NFIB: variants seen among roughly 807,000 people sequenced by gnomAD.
NFIB encodes nuclear factor 1 B-type.
A neutral mutation model predicts 61.5 loss-of-function variants in NFIB; 11 were observed. The ratio of observed to expected loss-of-function variants is 0.18; its 90% CI spans 0.11 to 0.30. The LOEUF is 0.30. Among genes scored for constraint, NFIB ranks in the 10% least tolerant of loss-of-function variants. The probability of loss-of-function intolerance (pLI) is 1.00; values close to 1 mark genes in which losing one functional copy is unlikely to be tolerated. For synonymous variants in NFIB, 260 were observed against 216.5 expected, an observed-to-expected ratio of 1.20 and a Z score of -1.76; for missense variants, 471 against 608.9, an observed-to-expected ratio of 0.77 and a Z score of 2.38.
At chr9:14,140,920 C>CAG (rs1485745937) in intron 6 of NFIB, among the ~76,000 whole-genome samples, 1 of 151,924 alleles carries the variant, frequency 6.6e-6, no homozygotes, top group Non-Finnish European at 1.5e-5. Context: ...GGGCAACAGA[C>CAG]AGAGAAAAAA....
the NFIB span, among the ~76,000 whole-genome samples, chr9:14,483,935 C>T: frequency 1.3e-5 from 2 of 152,162 alleles, no homozygotes; most frequent in Non-Finnish European, 2.9e-5. Context: ...GAAGCTACAA[C>T]TGATGAACTT....
At chr9:14,171,795 T>G (rs1399683350) in intron 3 of NFIB, among the ~76,000 whole-genome samples, 1 of 152,196 alleles carries the variant, frequency 6.6e-6, no homozygotes, top group Non-Finnish European at 1.5e-5. Flanking sequence ...TAGGGAAACA[T>G]GTCCGAAAAG....
chr9:14,469,754 A>G, the NFIB span, among the ~76,000 whole-genome samples: 2 of 152,280 alleles, frequency 1.3e-5, no homozygotes, highest in Middle Eastern at 3.4e-3. Context: ...CCTCTCCTAT[A>G]TACTTGTTAA....
chr9:14,414,411 C>G, the NFIB span, among the ~76,000 whole-genome samples: 124,158 of 142,804 alleles, frequency 0.87, 54,110 homozygotes, highest in African/African-American at 0.92. Flanking sequence ...CTCCAGCCTG[C>G]GGACAGAGTG....
intron 2 of NFIB, among the ~76,000 whole-genome samples, chr9:14,213,206 GTCA>G (rs2050494389): frequency 6.6e-6 from 1 of 152,210 alleles, no homozygotes; most frequent in East Asian, 1.9e-4. Context: ...ACTGGGCACA[GTCA>G]GGTAACTGGT....
intron 6 of NFIB, among the ~76,000 whole-genome samples, chr9:14,141,718 C>T (rs1403441892): frequency 6.6e-6 from 1 of 151,892 alleles, no homozygotes; most frequent in East Asian, 1.9e-4. Flanking sequence ...CATTTTACTG[C>T]ATAAAGTCTT....
At chr9:14,452,631 C>A in the NFIB span, among the ~76,000 whole-genome samples, 2 of 152,150 alleles carry the variant, frequency 1.3e-5, no homozygotes, top group Admixed American at 6.5e-5. Flanking sequence ...GAGAAAATCT[C>A]GACCCTGGGA....
chr9:14,274,989 T>C (rs1032941036), intron 2 of NFIB, among the ~76,000 whole-genome samples: 2 of 152,206 alleles, frequency 1.3e-5, no homozygotes, highest in Admixed American at 6.5e-5. Flanking sequence ...AGGTTTTGTT[T>C]TGAAGTTAAT....
chr9:14,304,832 G>A (rs929751913), intron 2 of NFIB, among the ~76,000 whole-genome samples: 8 of 152,112 alleles, frequency 5.3e-5, no homozygotes, highest in African/African-American at 1.9e-4. Flanking sequence ...ACTATAAAAT[G>A]ACATAATTAA....
intron 2 of NFIB, among the ~76,000 whole-genome samples, chr9:14,228,553 C>A: frequency 6.6e-6 from 1 of 152,190 alleles, no homozygotes; most frequent in East Asian, 1.9e-4. Flanking sequence ...AAAAGCCACA[C>A]TCCATTTTAG....
intron 4 of NFIB, among the ~76,000 whole-genome samples, chr9:14,153,853 G>A (rs777917471): frequency 1.2e-4 from 19 of 152,022 alleles, no homozygotes; most frequent in Admixed American, 7.2e-4. Flanking sequence ...ATTATGATGC[G>A]GATATATTAA....
chr9:14,344,515 A>C (rs2060996231), intron 1 of NFIB, among the ~76,000 whole-genome samples: 1 of 152,080 alleles, frequency 6.6e-6, no homozygotes, highest in African/African-American at 2.4e-5. Context: ...GGGCTGATGG[A>C]AGAGCTTTAT....
At position 14,307,581 on chromosome 9, in the gene NFIB, A is replaced by C; in HGVS notation, c.31-61T>G. The C allele has an allele frequency of 6.9e-7, 1 of 1,459,510 alleles. No individual in the cohort carries two copies. Among genetic ancestry groups the C allele is most frequent in the Non-Finnish European group, 9.1e-7 (1 of 1,100,352 alleles). The allele number at this position is 1,459,510 out of a possible 1,614,324, so 90.4% of individuals were successfully genotyped here. A position where few individuals can be genotyped will look rare whatever the true frequency, so the allele number is the denominator to read the frequency against. ...TAGTCAGTTTAATTTTAAAAGCTCA[A>C]AAAATAAGAAAAGAAGACCACAACC... On this transcript the variant is annotated intron_variant, in intron 1 of 10. Coordinates refer to ENST00000380953, the MANE Select transcript of NFIB (RefSeq NM_001190737.2). This position sits in a 1 kb window ranked among gnomAD's most constrained non-coding sequence, Gnocchi z 5.3.
Position 14,241,848 on chromosome 9 carries a change from T to C in NFIB, c.563-62068A>G, listed in dbSNP as rs73415745. Among the ~76,000 whole-genome samples, 324 of 152,338 alleles carry C rather than the reference T, an allele frequency of 2.1e-3. 2 individuals carry two copies. The highest frequency in any genetic ancestry group is 7.5e-3 in the African/African-American group (313 of 41,586). ...ACACAGAATCAAAGAAAGCCAATTG[T>C]ATGTCTAATTTTTTAACCTTTTTCC... On this transcript the variant is annotated intron_variant, in intron 2 of 10. Transcript: ENST00000380953.
At chr9:14,423,672 G>A in the NFIB span, among the ~76,000 whole-genome samples, 3 of 152,206 alleles carry the variant, frequency 2.0e-5, no homozygotes, top group Non-Finnish European at 4.4e-5. Context: ...CTTAGGTAAT[G>A]CCCCTTTTAG....
chr9:14,526,372 G>A, the NFIB span, among the ~76,000 whole-genome samples: 1 of 152,056 alleles, frequency 6.6e-6, no homozygotes, highest in Non-Finnish European at 1.5e-5. Context: ...TGATCATAAC[G>A]AACATTTCCT....
intron 6 of NFIB, among the ~76,000 whole-genome samples, chr9:14,143,031 A>G (rs1032842557): frequency 5.3e-5 from 8 of 152,116 alleles, no homozygotes; most frequent in African/African-American, 1.9e-4. Context: ...TTTAATTTTC[A>G]TCACTATTCA....
At chr9:14,372,079 C>T (rs376877426) in intron 1 of NFIB, among the ~76,000 whole-genome samples, 2 of 150,962 alleles carry the variant, frequency 1.3e-5, no homozygotes, top group Non-Finnish European at 2.9e-5. Flanking sequence ...ATCTCAGGTG[C>T]GCACCATCTG....
intron 2 of NFIB, among the ~76,000 whole-genome samples, chr9:14,189,132 C>A (rs971156827): frequency 1.3e-5 from 2 of 152,276 alleles, no homozygotes; most frequent in East Asian, 3.9e-4. Context: ...GGAGTCTTCA[C>A]GCATTATTCT....
Sources: gnomAD v4.1 joint callset for allele counts (sites outside exome capture counted in the v4.1 genomes callset) on GRCh38, gnomAD v4.1.1 for gene constraint, Gnocchi (gnomAD v3.1) non-coding constraint, MANE v1.5 for transcripts, NCBI Gene and HGNC (gene_info 2026-07-23, HGNC 2026-07-21) for gene names.